The following DLGAP2 variants were observed in gnomAD, a reference collection of about 807,000 sequenced individuals.
DLGAP2 encodes the protein DLG associated protein 2.
A neutral mutation model predicts 100.3 loss-of-function variants in DLGAP2; 26 were observed. The observed-to-expected ratio is 0.26, with a 90% CI of 0.19 to 0.36. DLGAP2 has a LOEUF of 0.36. Among genes scored for constraint, DLGAP2 ranks in the 10% least tolerant of loss-of-function variants. The pLI, the probability that DLGAP2 is intolerant of heterozygous loss-of-function variation, is 1.00. For missense variants in DLGAP2, 1,858 were observed against 1,453.2 expected (o/e 1.28, Z -4.53); for synonymous variants, 886 against 630.1 (o/e 1.41, Z -6.08).
chr8:1,509,829 G>C (rs1284464827), intron 4 of DLGAP2, among the ~76,000 whole-genome samples: 1 of 152,196 alleles, frequency 6.6e-6, no homozygotes, highest in African/African-American at 2.4e-5. Context: ...ACCATGATTA[G>C]TATCATTGTC....
intron 4 of DLGAP2, among the ~76,000 whole-genome samples, chr8:1,533,450 G>A (rs1354696945): frequency 1.3e-5 from 2 of 151,878 alleles, no homozygotes; most frequent in African/African-American, 4.8e-5. Context: ...AGTTTGCAGT[G>A]AGCCGAGATC....
chr8:863,674 G>C (rs953457909), intron 1 of DLGAP2, among the ~76,000 whole-genome samples: 47 of 152,164 alleles, frequency 3.1e-4, no homozygotes, highest in African/African-American at 1.1e-3. Context: ...ACCACAACGA[G>C]CTGTCCCCTG....
chr8:860,007 G>C (rs1018925858), intron 1 of DLGAP2, among the ~76,000 whole-genome samples: 3 of 152,204 alleles, frequency 2.0e-5, no homozygotes, highest in Admixed American at 6.5e-5. Context: ...GTAAAAAGTA[G>C]ATTAAAGTTA....
intron 4 of DLGAP2, among the ~76,000 whole-genome samples, chr8:1,511,988 A>G (rs1001855394): frequency 2.6e-5 from 4 of 152,250 alleles, no homozygotes; most frequent in Admixed American, 1.3e-4. Flanking sequence ...TTGGATGAAT[A>G]CTAGCTGCAG....
intron 2 of DLGAP2, among the ~76,000 whole-genome samples, chr8:1,050,134 G>C (rs551472831): frequency 6.6e-6 from 1 of 152,252 alleles, no homozygotes; most frequent in African/African-American, 2.4e-5. Context: ...TCACAGCCAC[G>C]TGTGCCTATA....
intron 5 of DLGAP2, among the ~76,000 whole-genome samples, chr8:1,558,331 C>A (rs1000102510): frequency 4.6e-5 from 7 of 152,092 alleles, no homozygotes; most frequent in African/African-American, 1.7e-4. Context: ...TTGGAGATGG[C>A]CATAGGAAAG....
intron 2 of DLGAP2, among the ~76,000 whole-genome samples, chr8:1,140,140 A>G (rs1314772106): frequency 6.6e-6 from 1 of 152,182 alleles, no homozygotes; most frequent in African/African-American, 2.4e-5. Context: ...CTAGATTCAG[A>G]GCAGATACAG....
At chr8:1,623,446 T>C (rs1475531817) in intron 6 of DLGAP2, among the ~76,000 whole-genome samples, 1 of 151,722 alleles carries the variant, frequency 6.6e-6, no homozygotes, top group Non-Finnish European at 1.5e-5. Context: ...CAGTGCATCA[T>C]GACCTGACAC....
chr8:909,555 G>C (rs1798444388), intron 2 of DLGAP2, among the ~76,000 whole-genome samples: 2 of 151,870 alleles, frequency 1.3e-5, no homozygotes, highest in Non-Finnish European at 2.9e-5. Flanking sequence ...CTTTTCATGA[G>C]ACTCCAAGTA....
chr8:902,303 G>T (rs1798268512), intron 1 of DLGAP2, among the ~76,000 whole-genome samples: 1 of 151,908 alleles, frequency 6.6e-6, no homozygotes, highest in Non-Finnish European at 1.5e-5. Context: ...GTGTGTTCTG[G>T]GACTGTGTTT....
At chr8:921,432 C>T (rs998746421) in intron 2 of DLGAP2, among the ~76,000 whole-genome samples, 1 of 152,200 alleles carries the variant, frequency 6.6e-6, no homozygotes, top group African/African-American at 2.4e-5. Flanking sequence ...CACGTGTCCA[C>T]AGACCCGACC....
chr8:1,616,654 A>C (rs945353503), intron 6 of DLGAP2, among the ~76,000 whole-genome samples: 1 of 152,262 alleles, frequency 6.6e-6, no homozygotes, highest in Non-Finnish European at 1.5e-5. Context: ...ATCTTTTAAA[A>C]AATGAGAGCA....
intron 3 of DLGAP2, among the ~76,000 whole-genome samples, chr8:1,480,085 T>A (rs937292333): frequency 6.6e-6 from 1 of 152,034 alleles, no homozygotes; most frequent in Non-Finnish European, 1.5e-5. Flanking sequence ...TGGCAGTGAG[T>A]CCCAGGGACG....
intron 2 of DLGAP2, among the ~76,000 whole-genome samples, chr8:1,207,005 TCCCCA>T (rs1798010757): frequency 6.6e-6 from 1 of 152,106 alleles, no homozygotes; most frequent in South Asian, 2.1e-4. Flanking sequence ...GCTCCTCCTG[TCCCCA>T]CCACACACAG....
At position 1,405,329 on chromosome 8, in the gene DLGAP2, C is replaced by T. The variant is rs1483958804; in HGVS notation, c.107-96037C>T. ...AGTCGTGTATTGAGTGCTTACTGAG[C>T]GCTCCCTCATCGTCCTCCGGAGTCG... On this transcript the variant is annotated intron_variant, in intron 3 of 14. Coordinates refer to ENST00000637795, the MANE Select transcript of DLGAP2 (RefSeq NM_001346810.2). Among the ~76,000 whole-genome samples the T allele has an allele frequency of 8.6e-3, 132 of 15,310 alleles. 21 individuals are homozygous for T. Among genetic ancestry groups the T allele is most frequent in the African/African-American group, 0.031 (125 of 4,082 alleles). 10.0% of individuals were successfully genotyped at this position (15,310 alleles called of 152,430 possible).
chr8:893,522 A>T (rs1040858805), intron 1 of DLGAP2, among the ~76,000 whole-genome samples: 5 of 152,156 alleles, frequency 3.3e-5, no homozygotes, highest in Non-Finnish European at 5.9e-5. Flanking sequence ...CATGAAGGGG[A>T]GGGTGGGGTT....
At chr8:852,762 G>A (rs533103182) in intron 1 of DLGAP2, among the ~76,000 whole-genome samples, 1 of 152,338 alleles carries the variant, frequency 6.6e-6, no homozygotes, top group Admixed American at 6.5e-5. Flanking sequence ...TCTCGGGCGA[G>A]TGTTTCCTTG....
chr8:1,063,849 G>A (rs947616717), intron 2 of DLGAP2, among the ~76,000 whole-genome samples: 3 of 152,180 alleles, frequency 2.0e-5, no homozygotes, highest in Admixed American at 6.5e-5. Context: ...TGTTAAAATG[G>A]TGTCTGTTGT....
intron 5 of DLGAP2, among the ~76,000 whole-genome samples, chr8:1,558,588 A>T (rs1003938355): frequency 1.3e-5 from 2 of 151,888 alleles, no homozygotes; most frequent in African/African-American, 4.8e-5. Context: ...ACACATAGGC[A>T]TGCATGCACA....
Sources: allele counts gnomAD v4.1 joint callset (sites outside exome capture counted in the v4.1 genomes callset), GRCh38; gene constraint gnomAD v4.1.1; transcripts MANE v1.5; gene names NCBI Gene and HGNC (gene_info 2026-07-23, HGNC 2026-07-21).